MAP2K1: variants seen among roughly 807,000 people sequenced by gnomAD.
MAP2K1 encodes the protein dual specificity mitogen-activated protein kinase kinase 1.
Under a neutral mutation model 46.3 loss-of-function variants are expected in MAP2K1, and 16 were observed. The observed-to-expected ratio is 0.35, with a 90% CI of 0.23 to 0.52. MAP2K1 has a LOEUF of 0.52. Ranked by LOEUF, MAP2K1 falls within the 20% of genes least tolerant of loss-of-function variation. The pLI, the probability that MAP2K1 is intolerant of heterozygous loss-of-function variation, is 0.94. For synonymous variants in MAP2K1, 183 were observed against 185.6 expected, an observed-to-expected ratio of 0.99 and a Z score of 0.11; for missense variants, 263 against 497.1, an observed-to-expected ratio of 0.53 and a Z score of 4.48.
At chr15:66,463,504 G>A (rs551856657) in intron 5 of MAP2K1, among the ~76,000 whole-genome samples, 1,180 of 2,718 alleles carry the variant, frequency 0.43, 15 homozygotes, top group Middle Eastern at 0.75. Context: ...TTTTTGAAAC[G>A]GAGTCTCACC....
At chr15:66,401,917 G>A (rs1273063512) in intron 1 of MAP2K1, 15 of 1,217,262 alleles carry the variant, frequency 1.2e-5, no homozygotes, top group African/African-American at 1.1e-4. Context: ...CGGGTGCATC[G>A]GTTCGGGTCG....
chr15:66,470,411 G>A (rs1002786579), intron 5 of MAP2K1, among the ~76,000 whole-genome samples: 5 of 152,114 alleles, frequency 3.3e-5, no homozygotes, highest in Admixed American at 6.5e-5. Context: ...TACCATCCTA[G>A]AAGCAGGAAA....
chr15:66,465,172 T>C (rs984972407), intron 5 of MAP2K1, among the ~76,000 whole-genome samples: 5 of 152,010 alleles, frequency 3.3e-5, no homozygotes, highest in Non-Finnish European at 5.9e-5. Context: ...TGCAGTGAAC[T>C]GAGATTGTGC....
chr15:66,399,060 A>G (rs1294656524), intron 1 of MAP2K1, among the ~76,000 whole-genome samples: 1 of 152,208 alleles, frequency 6.6e-6, no homozygotes, highest in Admixed American at 6.5e-5. Context: ...GGCGTGAGCC[A>G]CCGTGCCTGG....
intron 1 of MAP2K1, among the ~76,000 whole-genome samples, chr15:66,429,041 G>A (rs577623707): frequency 2.0e-5 from 3 of 152,056 alleles, no homozygotes; most frequent in African/African-American, 7.2e-5. Flanking sequence ...CGGCCTCCCA[G>A]AGTACTAGGA....
In MAP2K1 at chr15:66,387,079, C is replaced by T. The variant is rs940739617; in HGVS notation, c.-269C>T. On this transcript the variant is annotated 5_prime_UTR_variant, in exon 1 of 11. Coordinates refer to ENST00000307102, the MANE Select transcript of MAP2K1 (RefSeq NM_002755.4). ...GGAAGGGAATCCCGGGCTGCCGAAC[C>T]GCACGTTCAGCCCGCTCCGCTCCTG... 2.5e-6 allele frequency: 1 copy of T among 404,770 alleles called. No homozygotes were observed. The highest frequency in any genetic ancestry group is 4.3e-6 in the Non-Finnish European group (1 of 230,172). The allele number at this position is 404,770 out of a possible 1,614,324, so 25.1% of individuals were successfully genotyped here.
chr15:66,401,870 G>A (rs2093382576), intron 1 of MAP2K1: 4 of 704,586 alleles, frequency 5.7e-6, no homozygotes, highest in Non-Finnish European at 9.3e-6. Context: ...GGGAAAGCCT[G>A]GGATGTGCAG....
At chr15:66,487,552 T>C (rs1182443116) in intron 8 of MAP2K1, among the ~76,000 whole-genome samples, 5 of 152,056 alleles carry the variant, frequency 3.3e-5, no homozygotes, top group African/African-American at 9.7e-5. Context: ...GGCATGAGAA[T>C]TGCTTGAACC....
At chr15:66,485,595 G>T (rs1039227028) in intron 7 of MAP2K1, among the ~76,000 whole-genome samples, 80 of 151,472 alleles carry the variant, frequency 5.3e-4, no homozygotes, top group African/African-American at 1.9e-3. Flanking sequence ...GCGGGGGTTG[G>T]GAGGGAAGGG....
At chr15:66,458,091 G>A (rs1488008088) in intron 5 of MAP2K1, among the ~76,000 whole-genome samples, 3 of 152,166 alleles carry the variant, frequency 2.0e-5, no homozygotes, top group Non-Finnish European at 2.9e-5. Flanking sequence ...CTGGAGCTCT[G>A]AAAAGAATTA....
intron 1 of MAP2K1, among the ~76,000 whole-genome samples, chr15:66,392,255 G>GTTTTTTTTTTTTTTTTTTTGTTTTTTT (rs2093357934): frequency 1.0e-5 from 1 of 97,758 alleles, no homozygotes; most frequent in African/African-American, 4.5e-5. Context: ...TTTTTTTTGG[G>GTTTTTTTTTTTTTTTTTTTGTTTTTTT]TTTTTTTTTT....
intron 3 of MAP2K1, 68 bp from the exon 4 acceptor site, chr15:66,443,212 C>T (rs930328772): frequency 9.4e-7 from 1 of 1,068,328 alleles, no homozygotes; most frequent in East Asian, 2.4e-5. Flanking sequence ...TCAGCCACAG[C>T]CGAAAGTTAT....
chr15:66,407,856 A>G (rs2093401614), intron 1 of MAP2K1, among the ~76,000 whole-genome samples: 1 of 152,242 alleles, frequency 6.6e-6, no homozygotes, highest in Non-Finnish European at 1.5e-5. Context: ...AAACAAAACA[A>G]AAGAAAAGAA....
rs1208499521 is a variant in MAP2K1, at chr15:66,400,028, C to T, written c.80+12601C>T. ...ATATAATTTTTATTCACTAAATCTA[C>T]TTTATGAATCTTTTTCTTATTAGGA... On this transcript the variant is annotated intron_variant, in intron 1 of 10. Coordinates refer to ENST00000307102, the MANE Select transcript of MAP2K1 (RefSeq NM_002755.4). Among the ~76,000 whole-genome samples the T allele has an allele frequency of 3.9e-5, 6 of 152,262 alleles. No homozygotes were observed. In the East Asian group the frequency reaches 1.2e-3, roughly 29 times the overall value.
intron 1 of MAP2K1, among the ~76,000 whole-genome samples, chr15:66,427,737 C>T (rs756175805): frequency 6.6e-6 from 1 of 151,376 alleles, no homozygotes; most frequent in Non-Finnish European, 1.5e-5. Flanking sequence ...CCTCTCTGGC[C>T]AGGCATGGTG....
At chr15:66,488,978 T>TCGG in intron 8 of MAP2K1, 2 of 596,772 alleles carry the variant, frequency 3.4e-6, no homozygotes, top group Admixed American at 2.9e-5. Context: ...TGGACTTGAC[T>TCGG]TGGTCCCAAT....
intron 5 of MAP2K1, among the ~76,000 whole-genome samples, chr15:66,456,347 A>T (rs991090743): frequency 2.0e-5 from 3 of 152,240 alleles, no homozygotes; most frequent in African/African-American, 7.2e-5. Flanking sequence ...ACATAGTGAC[A>T]TAGATTATTA....
At chr15:66,403,358 G>GAGAATAA (rs887018398) in intron 1 of MAP2K1, among the ~76,000 whole-genome samples, 1 of 152,150 alleles carries the variant, frequency 6.6e-6, no homozygotes, top group African/African-American at 2.4e-5. Context: ...TGAGGGAAAA[G>GAGAATAA]AGAATAAAGA....
chr15:66,454,984 A>G (rs1055838374), intron 5 of MAP2K1, among the ~76,000 whole-genome samples: 2 of 152,164 alleles, frequency 1.3e-5, no homozygotes, highest in African/African-American at 4.8e-5. Flanking sequence ...AGGCTACTCT[A>G]GTTGGGAGGT....
Sources: gnomAD v4.1 joint callset for allele counts (sites outside exome capture counted in the v4.1 genomes callset) on GRCh38, gnomAD v4.1.1 for gene constraint, MANE v1.5 for transcripts, NCBI Gene and HGNC (gene_info 2026-07-23, HGNC 2026-07-21) for gene names.